Variants in PRTFDC1 observed in about 807,000 individuals in gnomAD.
PRTFDC1 encodes phosphoribosyltransferase domain-containing protein 1.
In PRTFDC1, 38 loss-of-function variants were observed where a neutral mutation model predicts 34.6. The ratio of observed to expected loss-of-function variants is 1.10; its 90% CI spans 0.85 to 1.44. The LOEUF is 1.44. Among genes scored for constraint, PRTFDC1 ranks in the 40% most tolerant of loss-of-function variants. The pLI is 0.00. For synonymous variants in PRTFDC1, 93 were observed against 98.1 expected (o/e 0.95, Z 0.31); for missense variants, 270 against 283.0 (o/e 0.95, Z 0.33).
intron 3 of PRTFDC1, among the ~76,000 whole-genome samples, chr10:24,936,449 T>A (rs917627121): frequency 2.0e-5 from 3 of 152,124 alleles, no homozygotes; most frequent in Admixed American, 6.5e-5. Flanking sequence ...CAGCTAATTT[T>A]AAAAATTTTC....
At chr10:24,863,510 T>C (rs1847720565) in intron 4 of PRTFDC1, among the ~76,000 whole-genome samples, 1 of 152,230 alleles carries the variant, frequency 6.6e-6, no homozygotes, top group South Asian at 2.1e-4. Flanking sequence ...TTTTCATGCC[T>C]GCTAACACAA....
At chr10:24,888,917 A>G (rs1240109850) in intron 3 of PRTFDC1, among the ~76,000 whole-genome samples, 1 of 152,210 alleles carries the variant, frequency 6.6e-6, no homozygotes, top group Non-Finnish European at 1.5e-5. Flanking sequence ...TTAACCAGTT[A>G]CTTTCTGGGA....
chr10:24,885,787 A>G (rs1007129410), intron 3 of PRTFDC1, among the ~76,000 whole-genome samples: 1 of 152,240 alleles, frequency 6.6e-6, no homozygotes. Context: ...GCTATGATGC[A>G]TCTATGCAAC....
intron 8 of PRTFDC1, 81 bp downstream of exon 8, chr10:24,851,307 T>A: frequency 6.5e-7 from 1 of 1,542,042 alleles, no homozygotes; most frequent in Admixed American, 2.1e-5. Context: ...ATAGCAGACA[T>A]CACTAACACG....
Position 24,952,398 on chromosome 10 carries a change from C to T in PRTFDC1, c.48+130G>A, listed in dbSNP as rs1849360719. On this transcript the variant is annotated intron_variant, in intron 1 of 8. Transcript: ENST00000320152. The surrounding 1 kb of genome is among the most constrained non-coding windows in gnomAD (Gnocchi z 5.1). ...CCCGGGTCCGAGGATGGAAGCGATC[C>T]CCGCCGGGAGGGAGAACAAAGCGGT... 1.9e-5 allele frequency: 21 copies of T among 1,107,304 alleles called. No individual in the cohort carries two copies. The highest frequency in any genetic ancestry group is 2.5e-5 in the Non-Finnish European group (19 of 755,554). The allele number at this position is 1,107,304 out of a possible 1,614,324, so 68.6% of individuals were successfully genotyped here. A position where few individuals can be genotyped will look rare whatever the true frequency, so the allele number is the denominator to read the frequency against.
At chr10:24,884,609 TGAA>T (rs1370682462) in intron 3 of PRTFDC1, among the ~76,000 whole-genome samples, 3 of 152,246 alleles carry the variant, frequency 2.0e-5, no homozygotes, top group Admixed American at 6.5e-5. Flanking sequence ...TTTGGTCTTA[TGAA>T]GAAGATTTTC....
intron 4 of PRTFDC1, among the ~76,000 whole-genome samples, chr10:24,869,037 G>C (rs927960627): frequency 1.3e-5 from 2 of 152,058 alleles, no homozygotes; most frequent in Non-Finnish European, 2.9e-5. Flanking sequence ...CTATGTGTTG[G>C]GAACATTTCA....
At chr10:24,870,745 C>T (rs1381288016) in intron 4 of PRTFDC1, among the ~76,000 whole-genome samples, 1 of 151,994 alleles carries the variant, frequency 6.6e-6, no homozygotes, top group African/African-American at 2.4e-5. Context: ...GCTAGATAGC[C>T]ATTTAACACA....
chr10:24,884,052 G>A (rs1183399895), intron 3 of PRTFDC1, among the ~76,000 whole-genome samples: 1 of 151,334 alleles, frequency 6.6e-6, no homozygotes, highest in Admixed American at 6.6e-5. Flanking sequence ...GGCTACTTTA[G>A]AACTCCTGAC....
In PRTFDC1 at chr10:24,914,712, A is replaced by G. The variant is rs186644033; in HGVS notation, c.339+22472T>C. 1.5e-3 allele frequency among the ~76,000 whole-genome samples: 224 copies of G among 152,344 alleles called. 1 individual carries two copies. Among genetic ancestry groups the G allele is most frequent in the Non-Finnish European group, 2.5e-3 (169 of 68,036 alleles). On this transcript the variant is annotated intron_variant, in intron 3 of 8. Coordinates refer to ENST00000320152, the MANE Select transcript of PRTFDC1 (RefSeq NM_020200.7). ...CTCTGTTTCTTCCAAGGTCTAGGCC[A>G]TAATAAATGCCTTTTAAAGAACTTT... is the stretch of plus-strand genomic sequence containing the variant.
intron 7 of PRTFDC1, among the ~76,000 whole-genome samples, chr10:24,854,249 C>A (rs1160926916): frequency 1.3e-5 from 2 of 152,170 alleles, no homozygotes; most frequent in Non-Finnish European, 2.9e-5. Flanking sequence ...TTTCCTTAGA[C>A]AATTTCTGCT....
At chr10:24,867,558 T>G (rs1397716230) in intron 4 of PRTFDC1, 1 of 152,178 alleles carries the variant, frequency 6.6e-6, no homozygotes, top group Admixed American at 6.5e-5. Flanking sequence ...ATTTTTTTTT[T>G]CCTACTACTT....
intron 7 of PRTFDC1, among the ~76,000 whole-genome samples, chr10:24,852,213 C>T (rs1009072396): frequency 2.0e-5 from 3 of 151,762 alleles, no homozygotes; most frequent in South Asian, 2.1e-4. Context: ...GACCGAGTCT[C>T]GCGATCTTGG....
intron 1 of PRTFDC1, 112 bp from the exon 2 acceptor site, chr10:24,942,548 T>C: frequency 1.2e-6 from 1 of 837,240 alleles, no homozygotes; most frequent in Non-Finnish European, 2.0e-6. Context: ...AAAAGTTTAG[T>C]GGAACAAGGT....
At chr10:24,864,804 T>A (rs1847746729) in intron 4 of PRTFDC1, among the ~76,000 whole-genome samples, 1 of 152,176 alleles carries the variant, frequency 6.6e-6, no homozygotes, top group Admixed American at 6.5e-5. Context: ...CAAAACTATT[T>A]ATCTTTATAT....
intron 3 of PRTFDC1, among the ~76,000 whole-genome samples, chr10:24,925,321 G>A (rs922837723): frequency 2.6e-5 from 4 of 152,286 alleles, no homozygotes; most frequent in Non-Finnish European, 4.4e-5. Flanking sequence ...GCCTGTGGAG[G>A]GGGTGTCGGG....
At chr10:24,873,847 C>T (rs900299996) in intron 3 of PRTFDC1, among the ~76,000 whole-genome samples, 2 of 151,074 alleles carry the variant, frequency 1.3e-5, no homozygotes, top group African/African-American at 4.9e-5. Context: ...CAATGAAACA[C>T]CTTTTGTCTT....
At position 24,849,842 on chromosome 10, in the gene PRTFDC1, CT is replaced by C; in HGVS notation, c.*1del. 6.2e-7 allele frequency: 1 copy of C among 1,613,776 alleles called. No individual in the cohort carries two copies. The highest frequency in any genetic ancestry group is 8.5e-7 in the Non-Finnish European group (1 of 1,179,764). On this transcript the variant is annotated 3_prime_UTR_variant, in exon 9 of 9. Coordinates refer to ENST00000320152, the MANE Select transcript of PRTFDC1 (RefSeq NM_020200.7). Reference sequence around the variant, plus strand: ...GGACTTTAGTGGTGAGAATTCATGTCTTTAGACTCGATATTTTTCTTTACCG... The same window carrying C: ...GGACTTTAGTGGTGAGAATTCATGTCTTAGACTCGATATTTTTCTTTACCG...
chr10:24,951,692 C>A, intron 1 of PRTFDC1: 5 of 843,470 alleles, frequency 5.9e-6, no homozygotes, highest in Non-Finnish European at 7.1e-6. Context: ...TTATAACCAC[C>A]ACCTTCTAGG....
Sources: gnomAD v4.1 joint callset for allele counts (sites outside exome capture counted in the v4.1 genomes callset) on GRCh38, gnomAD v4.1.1 for gene constraint, Gnocchi (gnomAD v3.1) non-coding constraint, MANE v1.5 for transcripts, NCBI Gene and HGNC (gene_info 2026-07-23, HGNC 2026-07-21) for gene names.